UTRN: variants seen among roughly 807,000 people sequenced by gnomAD.
UTRN encodes the protein dystrophin-related protein 1.
Under a neutral mutation model 463.9 loss-of-function variants are expected in UTRN, and 283 were observed. The ratio of observed to expected loss-of-function variants is 0.61; its 90% CI spans 0.55 to 0.67. UTRN has a LOEUF of 0.67. UTRN is among the 30% of genes least tolerant of loss of function. The pLI is 0.00. For missense variants in UTRN, 3,922 were observed against 4,084.3 expected (o/e 0.96, Z 1.08); for synonymous variants, 1,442 against 1,431.5 (o/e 1.01, Z -0.17).
At chr6:144,494,766 T>C (rs1793435417) in intron 33 of UTRN, among the ~76,000 whole-genome samples, 1 of 152,146 alleles carries the variant, frequency 6.6e-6, no homozygotes, top group Admixed American at 6.5e-5. Flanking sequence ...AGAGTGTTGA[T>C]TGGTGCATTC....
chr6:144,410,582 C>T (rs961153889), intron 3 of UTRN, among the ~76,000 whole-genome samples: 7 of 151,344 alleles, frequency 4.6e-5, no homozygotes, highest in Non-Finnish European at 1.0e-4. Context: ...CCCACCTGCA[C>T]CCCCCGCCCA....
chr6:144,611,645 A>T (rs1032892967), intron 51 of UTRN, among the ~76,000 whole-genome samples: 1 of 152,210 alleles, frequency 6.6e-6, no homozygotes, highest in African/African-American at 2.4e-5. Flanking sequence ...ATAAATTTAA[A>T]TAAAGAGGTA....
chr6:144,827,738 TAATC>T (rs2128756370), intron 68 of UTRN, 62 bp downstream of exon 68: 2 of 1,523,044 alleles, frequency 1.3e-6, no homozygotes, highest in East Asian at 4.5e-5. Flanking sequence ...TATGTCTAAT[TAATC>T]TAATATCATT....
At chr6:144,605,855 T>C (rs1038462148) in intron 51 of UTRN, among the ~76,000 whole-genome samples, 16 of 152,114 alleles carry the variant, frequency 1.1e-4, no homozygotes, top group Non-Finnish European at 1.6e-4. Context: ...TTATGACAGC[T>C]TTTTACTCTT....
chr6:144,679,477 G>A (rs960273740), intron 52 of UTRN, among the ~76,000 whole-genome samples: 2 of 152,022 alleles, frequency 1.3e-5, no homozygotes, highest in South Asian at 4.1e-4. Flanking sequence ...TAAACCAAAT[G>A]GTCTTGAATT....
chr6:144,725,712 G>A (rs1358643191), intron 53 of UTRN, among the ~76,000 whole-genome samples: 2 of 152,198 alleles, frequency 1.3e-5, no homozygotes, highest in East Asian at 1.9e-4. Flanking sequence ...GAGAGTTAAA[G>A]TGTGAAATGA....
chr6:144,465,487 A>G (rs1002544740), intron 23 of UTRN, among the ~76,000 whole-genome samples: 5 of 152,244 alleles, frequency 3.3e-5, no homozygotes, highest in African/African-American at 1.2e-4. Flanking sequence ...TTGTTGTTAC[A>G]GTAGCAGATT....
intron 51 of UTRN, among the ~76,000 whole-genome samples, chr6:144,661,776 A>G (rs926670333): frequency 6.6e-6 from 1 of 152,190 alleles, no homozygotes; most frequent in Non-Finnish European, 1.5e-5. Context: ...AATTGCTGCT[A>G]TTAGTCTTAA....
intron 56 of UTRN, 93 bp from the exon 57 acceptor site, chr6:144,754,627 A>G (rs1791782299): frequency 5.5e-6 from 7 of 1,265,414 alleles, no homozygotes; most frequent in East Asian, 4.9e-5. Context: ...GGGCAATAGC[A>G]TCATTTATTA....
chr6:144,378,727 G>A (rs142137039), intron 2 of UTRN, among the ~76,000 whole-genome samples: 229 of 152,272 alleles, frequency 1.5e-3, no homozygotes, highest in African/African-American at 4.3e-3. Flanking sequence ...TATGAACCAT[G>A]TTAATTTAGT....
Position 144,557,250 on chromosome 6 carries a change from A to G in UTRN, c.7228A>G (p.Thr2410Ala), listed in dbSNP as rs748678554. The change falls in exon 50 of 75, where the codon ACA becomes GCA. Residue 2410 changes from threonine to alanine, a missense_variant. Coordinates refer to ENST00000367545, the MANE Select transcript of UTRN (RefSeq NM_007124.3). ...CCTGGAGGAATATGGGAGTGATGAC[A>G]CAAGGAATGTGAAAGAAACCACAGA... ...KLLEEYGSDD[T>A]RNVKETTEYL... 7.4e-6 allele frequency: 12 copies of G among 1,613,888 alleles called. No homozygotes were observed. The highest frequency in any genetic ancestry group is 3.3e-5 in the Admixed American group (2 of 59,992).
intron 2 of UTRN, among the ~76,000 whole-genome samples, chr6:144,396,918 T>C (rs1195716982): frequency 6.6e-6 from 1 of 151,996 alleles, no homozygotes; most frequent in Non-Finnish European, 1.5e-5. Flanking sequence ...GGTGGATAGT[T>C]TTGGTGGGTT....
At chr6:144,491,204 A>G (rs1189259867) in intron 32 of UTRN, 102 bp downstream of exon 32, 11 of 1,126,922 alleles carry the variant, frequency 9.8e-6, no homozygotes, top group Non-Finnish European at 1.2e-5. Context: ...TCACTAGTCT[A>G]CAGTGTGCTA....
At chr6:144,677,446 C>G (rs1228360089) in intron 51 of UTRN, among the ~76,000 whole-genome samples, 1 of 152,126 alleles carries the variant, frequency 6.6e-6, no homozygotes, top group East Asian at 1.9e-4. Context: ...GACATGAACT[C>G]ATTCTTTTTT....
At chr6:144,724,301 C>G (rs1404223376) in intron 53 of UTRN, among the ~76,000 whole-genome samples, 1 of 148,578 alleles carries the variant, frequency 6.7e-6, no homozygotes, top group African/African-American at 2.5e-5. Context: ...CAATCTCAGC[C>G]CACTGCAACC....
At chr6:144,659,772 CT>C (rs959113184) in intron 51 of UTRN, 64 of 145,622 alleles carry the variant, frequency 4.4e-4, no homozygotes, top group Middle Eastern at 7.0e-3. Context: ...TAATACTTGG[CT>C]TTTTTTTTTT....
intron 51 of UTRN, among the ~76,000 whole-genome samples, chr6:144,655,419 G>A (rs982504145): frequency 6.6e-6 from 1 of 152,212 alleles, no homozygotes; most frequent in African/African-American, 2.4e-5. Flanking sequence ...AGTTAGAAGG[G>A]TTATGAAAAG....
chr6:144,504,700 G>T (rs1413284034), intron 34 of UTRN, among the ~76,000 whole-genome samples: 4 of 152,178 alleles, frequency 2.6e-5, no homozygotes, highest in African/African-American at 9.7e-5. Flanking sequence ...GTTCATCAGG[G>T]ATATTGGCCT....
chr6:144,482,102 C>A, intron 26 of UTRN, 107 bp from the exon 27 acceptor site: 2 of 948,116 alleles, frequency 2.1e-6, no homozygotes, highest in South Asian at 3.0e-5. Flanking sequence ...TAGAATCATC[C>A]AGATGTTTTA....
Sources: allele counts gnomAD v4.1 joint callset (sites outside exome capture counted in the v4.1 genomes callset), GRCh38; gene constraint gnomAD v4.1.1; transcripts MANE v1.5; gene names NCBI Gene and HGNC (gene_info 2026-07-23, HGNC 2026-07-21).